PID1: variants seen among roughly 807,000 people sequenced by gnomAD.
The protein encoded by PID1 is PTB-containing, cubilin and LRP1-interacting protein.
A neutral mutation model predicts 19.1 loss-of-function variants in PID1; 10 were observed. That is an observed-to-expected ratio of 0.52 (90% confidence interval 0.32 to 0.89). The LOEUF (loss-of-function observed/expected upper bound fraction) is 0.89, where lower values mean the gene tolerates loss of function less well. Among genes scored for constraint, PID1 ranks in the 40% least tolerant of loss-of-function variants. The pLI is 0.03. For missense variants in PID1, 248 were observed against 285.3 expected (o/e 0.87, Z 0.94); for synonymous variants, 130 against 116.0 (o/e 1.12, Z -0.78).
intron 1 of PID1, among the ~76,000 whole-genome samples, chr2:229,159,923 C>A (rs1057096973): frequency 6.6e-6 from 1 of 151,996 alleles, no homozygotes; most frequent in African/African-American, 2.4e-5. Flanking sequence ...CTGGAAGGAG[C>A]CACATAGGTC....
At chr2:229,067,579 G>T (rs1694355433) in intron 2 of PID1, among the ~76,000 whole-genome samples, 1 of 152,062 alleles carries the variant, frequency 6.6e-6, no homozygotes, top group South Asian at 2.1e-4. Context: ...TGGCCATGCT[G>T]TTCTAACTGG....
intron 2 of PID1, among the ~76,000 whole-genome samples, chr2:229,146,300 A>T (rs1173556733): frequency 6.6e-6 from 1 of 152,086 alleles, no homozygotes; most frequent in Non-Finnish European, 1.5e-5. Context: ...ACACAGGGAG[A>T]GGAACAACAC....
chr2:229,142,658 G>T (rs1274895734), intron 2 of PID1, among the ~76,000 whole-genome samples: 1 of 152,194 alleles, frequency 6.6e-6, no homozygotes, highest in East Asian at 1.9e-4. Flanking sequence ...AGCATCTCAC[G>T]CCAGTTAGAA....
chr2:229,098,157 C>A (rs550362394), intron 2 of PID1, among the ~76,000 whole-genome samples: 1 of 152,176 alleles, frequency 6.6e-6, no homozygotes. Context: ...CTAACAGGTG[C>A]GCTCTGTGCA....
At chr2:229,232,493 T>C (rs1692232147) in intron 1 of PID1, among the ~76,000 whole-genome samples, 1 of 148,856 alleles carries the variant, frequency 6.7e-6, no homozygotes, top group African/African-American at 2.5e-5. Flanking sequence ...CCATTAAGTT[T>C]CAACATCTGA....
chr2:229,108,317 C>T (rs1381017113), intron 2 of PID1, among the ~76,000 whole-genome samples: 2 of 152,148 alleles, frequency 1.3e-5, no homozygotes, highest in African/African-American at 4.8e-5. Flanking sequence ...TCCAGTAGAG[C>T]TCAGCTAGTG....
At chr2:229,222,730 A>C (rs577528876) in intron 1 of PID1, among the ~76,000 whole-genome samples, 31 of 152,314 alleles carry the variant, frequency 2.0e-4, no homozygotes, top group Non-Finnish European at 1.6e-4. Flanking sequence ...TTTGAACCTT[A>C]GACATCAGTC....
In PID1 at chr2:229,026,123, G is replaced by A. The variant is rs978974747; in HGVS notation, c.178-15C>T. 3 of 1,586,210 alleles carry A rather than the reference G, an allele frequency of 1.9e-6. No individual in the cohort carries two copies. The highest frequency in any genetic ancestry group is 4.5e-5 in the East Asian group (2 of 44,718). Reference sequence around the variant, plus strand: ...AGGTAGGTAACCTGCAGATGCAAGAGAGGAAGAAAAGGGAGGCATCAGCAG... The same window carrying A: ...AGGTAGGTAACCTGCAGATGCAAGAAAGGAAGAAAAGGGAGGCATCAGCAG... On this transcript the variant is annotated splice_polypyrimidine_tract_variant and intron_variant, in intron 2 of 2. Transcript: ENST00000392055.
intron 1 of PID1, among the ~76,000 whole-genome samples, chr2:229,246,630 A>C (rs1244103625): frequency 6.6e-6 from 1 of 152,202 alleles, no homozygotes; most frequent in African/African-American, 2.4e-5. Flanking sequence ...AACAAATAAA[A>C]ACATGAGTGG....
intron 2 of PID1, among the ~76,000 whole-genome samples, chr2:229,066,876 T>C (rs1694337393): frequency 6.6e-6 from 1 of 152,050 alleles, no homozygotes; most frequent in African/African-American, 2.4e-5. Context: ...ACACCCACAA[T>C]CCTCTCTACA....
At chr2:229,219,452 C>A (rs1239948779) in intron 1 of PID1, among the ~76,000 whole-genome samples, 1 of 152,174 alleles carries the variant, frequency 6.6e-6, no homozygotes. Flanking sequence ...AAGGAAACCG[C>A]CCCCATGATT....
chr2:229,126,899 A>G (rs1451255591), intron 2 of PID1, among the ~76,000 whole-genome samples: 4 of 152,200 alleles, frequency 2.6e-5, no homozygotes, highest in Non-Finnish European at 1.5e-5. Context: ...CTACTTGCTC[A>G]TGCAACACTC....
chr2:229,128,927 G>A (rs1324688673), intron 2 of PID1, among the ~76,000 whole-genome samples: 3 of 152,128 alleles, frequency 2.0e-5, no homozygotes, highest in Non-Finnish European at 4.4e-5. Flanking sequence ...ATAAATGCTC[G>A]AGGGGATGGA....
At position 229,223,884 on chromosome 2, in the gene PID1, T is replaced by C. The variant is rs569593118; in HGVS notation, c.30+47130A>G. Among the ~76,000 whole-genome samples, 16 of 152,292 alleles carry C rather than the reference T, an allele frequency of 1.1e-4. No homozygotes were observed. The South Asian group carries it at 3.3e-3, about 32-fold the overall frequency. ...GTTTCTAGCGGACACATCGCCCAAA[T>C]AGTGGACATAGTACCCAATCGGTAC... On this transcript the variant is annotated intron_variant, in intron 1 of 2. Transcript: ENST00000392055.
intron 2 of PID1, among the ~76,000 whole-genome samples, chr2:229,125,371 C>A (rs1459923392): frequency 6.7e-6 from 1 of 149,640 alleles, no homozygotes; most frequent in African/African-American, 2.5e-5. Context: ...TTTGTTACTG[C>A]AGCATAACAT....
intron 1 of PID1, among the ~76,000 whole-genome samples, chr2:229,189,061 AGAACTCGT>A (rs1363281082): frequency 6.6e-6 from 1 of 152,246 alleles, no homozygotes; most frequent in African/African-American, 2.4e-5. Context: ...AATCATGAGA[AGAACTCGT>A]GAAGTGAAAG....
In PID1 at chr2:229,025,579, T is replaced by C; in HGVS notation, c.*53A>G. The C allele has an allele frequency of 1.5e-6, 2 of 1,350,780 alleles. No individual in the cohort carries two copies. Among genetic ancestry groups the C allele is most frequent in the Non-Finnish European group, 2.1e-6 (2 of 957,950 alleles). The allele number at this position is 1,350,780 out of a possible 1,614,324, so 83.7% of individuals were successfully genotyped here. The stretch of plus-strand genomic sequence containing the variant: ...ATTTGAAACGTTGCTTACTCATCTA[T>C]TCCCTTGAACTCCGTGACCAATGCT... On this transcript the variant is annotated 3_prime_UTR_variant, in exon 3 of 3. Transcript: ENST00000392055.
At chr2:229,215,718 T>C (rs1306070071) in intron 1 of PID1, among the ~76,000 whole-genome samples, 1 of 152,206 alleles carries the variant, frequency 6.6e-6, no homozygotes, top group East Asian at 1.9e-4. Flanking sequence ...TTATCATAAG[T>C]TCAAATATGT....
chr2:229,117,090 C>A (rs1244300992), intron 2 of PID1, among the ~76,000 whole-genome samples: 1 of 152,174 alleles, frequency 6.6e-6, no homozygotes, highest in African/African-American at 2.4e-5. Flanking sequence ...AGATACATAT[C>A]ATTTCAGTCC....
Sources: gnomAD v4.1 joint callset for allele counts (sites outside exome capture counted in the v4.1 genomes callset) on GRCh38, gnomAD v4.1.1 for gene constraint, MANE v1.5 for transcripts, NCBI Gene and HGNC (gene_info 2026-07-23, HGNC 2026-07-21) for gene names.